The following BCAM variants were observed in gnomAD, a reference collection of about 807,000 sequenced individuals.
BCAM encodes basal cell adhesion molecule (Lutheran blood group).
A neutral mutation model predicts 72.4 loss-of-function variants in BCAM; 61 were observed. The ratio of observed to expected loss-of-function variants is 0.84; its 90% CI spans 0.69 to 1.04. BCAM has a LOEUF of 1.04. Among genes scored for constraint, BCAM ranks in the 50% least tolerant of loss-of-function variants. The pLI is 0.00. For synonymous variants in BCAM, 408 were observed against 384.2 expected, an observed-to-expected ratio of 1.06 and a Z score of -0.73; for missense variants, 909 against 895.0, an observed-to-expected ratio of 1.02 and a Z score of -0.20.
Position 44,812,050 on chromosome 19 carries a change from A to G in BCAM, c.205-113A>G. 1 of 1,042,308 alleles carries G rather than the reference A, an allele frequency of 9.6e-7. No individual in the cohort carries two copies. Among genetic ancestry groups the G allele is most frequent in the South Asian group, 1.4e-5 (1 of 69,172 alleles). 64.6% of individuals were successfully genotyped at this position (1,042,308 alleles called of 1,614,324 possible). On this transcript the variant is annotated intron_variant, in intron 2 of 14. Transcript: ENST00000270233. The surrounding 1 kb of genome is among the most constrained non-coding windows in gnomAD (Gnocchi z 5.3). ...AGGGACAGAGGGACCAGGGAGACCC[A>G]TAACAAGAGGAAAAGAGGCAGAGCC...
At position 44,814,218 on chromosome 19, in the gene BCAM, G is replaced by T; in HGVS notation, c.851G>T (p.Gly284Val). 6.3e-7 allele frequency: 1 copy of T among 1,587,672 alleles called. No individual in the cohort carries two copies. The highest frequency in any genetic ancestry group is 8.5e-7 in the Non-Finnish European group (1 of 1,173,114). Residue 284 changes from glycine to valine, a missense_variant, in exon 7 of 15, where the codon GGT (glycine) becomes GTT (valine). Transcript: ENST00000270233. This position sits in a 1 kb window ranked among gnomAD's most constrained non-coding sequence, Gnocchi z 4.6. ...PSTPAGWVRE[G>V]DTVQLLCRGD... ...ACCCCAGCAGGCTGGGTACGCGAGG[G>T]TGACACTGTCCAGCTGCTCTGCCGG...
In BCAM at chr19:44,813,701, C is replaced by T. The variant is rs1458982610; in HGVS notation, c.784+81C>T. 2 of 1,524,834 alleles carry T rather than the reference C, an allele frequency of 1.3e-6. No individual in the cohort carries two copies. The highest frequency in any genetic ancestry group is 1.8e-6 in the Non-Finnish European group (2 of 1,129,320). The allele number at this position is 1,524,834 out of a possible 1,614,324, so 94.5% of individuals were successfully genotyped here. On this transcript the variant is annotated intron_variant, in intron 6 of 14. Coordinates refer to ENST00000270233, the MANE Select transcript of BCAM (RefSeq NM_005581.5). The surrounding 1 kb of genome is among the most constrained non-coding windows in gnomAD (Gnocchi z 4.2). ...TGACCCTCCACCCGGGGGCTTCACA[C>T]TCCCCTCTGACCCTCTGCCTCCCTA...
At chr19:44,819,924 TCATCCTCATCCC>T in intron 13 of BCAM, 198 bp downstream of exon 13, 3 of 302,150 alleles carry the variant, frequency 9.9e-6, no homozygotes, top group Non-Finnish European at 1.3e-5. Flanking sequence ...CATCCCCAAC[TCATCCTCATCCC>T]CAACTGCAGC....
In BCAM at chr19:44,815,238, A is replaced by G. The variant is rs180887453; in HGVS notation, c.1078+478A>G. ...CACCCCCCAGGCTCCTCTGGTTCCT[A>G]CCTTCACTGCCCATCCTTCCTACCG... On this transcript the variant is annotated intron_variant, in intron 8 of 14. Transcript: ENST00000270233. Among the ~76,000 whole-genome samples, 498 of 152,064 alleles carry G rather than the reference A, an allele frequency of 3.3e-3. 1 individual carries two copies. Among genetic ancestry groups the G allele is most frequent in the Non-Finnish European group, 3.1e-3 (210 of 67,962 alleles).
Position 44,819,594 on chromosome 19 carries a change from C to A in BCAM, c.1631C>A (p.Thr544Asn). Residue 544 changes from threonine (T) to asparagine (N), a missense_variant, in exon 13 of 15, where the codon ACC becomes AAC. Transcript: ENST00000270233. ...CCTGTCCCTGCAGTGAGCCCCCAGA[C>A]CTCCCAGGCTGGAGTGGCCGTCATG... Reference protein sequence around the residue: ...VFHFGTVSPQTSQAGVAVMAV... With the variant: ...VFHFGTVSPQNSQAGVAVMAV... 1 of 1,613,164 alleles carries A rather than the reference C, an allele frequency of 6.2e-7. No homozygotes were observed. Among genetic ancestry groups the A allele is most frequent in the Non-Finnish European group, 8.5e-7 (1 of 1,179,504 alleles).
In BCAM at chr19:44,813,294, C is replaced by T; in HGVS notation, c.549C>T (p.Ile183=). Residue 183 remains isoleucine (I), a synonymous_variant, in exon 5 of 15, where the codon ATC becomes ATT. Coordinates refer to ENST00000270233, the MANE Select transcript of BCAM (RefSeq NM_005581.5). The surrounding 1 kb of genome is among the most constrained non-coding windows in gnomAD (Gnocchi z 4.2). ...NSRNGNPAPK[I]TWYRNGQRLE... ...GGAACGGGAACCCGGCCCCCAAGAT[C>T]ACGTGGTATCGCAACGGGCAGCGCC... 1 of 1,614,130 alleles carries T rather than the reference C, an allele frequency of 6.2e-7. No homozygotes were observed. Among genetic ancestry groups the T allele is most frequent in the Non-Finnish European group, 8.5e-7 (1 of 1,180,030 alleles).
At position 44,814,823 on chromosome 19, in the gene BCAM, C is replaced by G; in HGVS notation, c.1078+63C>G. 6.6e-7 allele frequency: 1 copy of G among 1,523,858 alleles called. No homozygotes were observed. Among genetic ancestry groups the G allele is most frequent in the East Asian group, 2.3e-5 (1 of 43,376 alleles). 94.4% of individuals were successfully genotyped at this position (1,523,858 alleles called of 1,614,324 possible). A position where few individuals can be genotyped will look rare whatever the true frequency, so the allele number is the denominator to read the frequency against. ...CTGGCATCAGTGCCTCTGCGCCCTCCTCCCTACAGCCCTGAAGTTGCTCTG... is the reference window on the plus strand; with the variant it reads ...CTGGCATCAGTGCCTCTGCGCCCTCGTCCCTACAGCCCTGAAGTTGCTCTG... On this transcript the variant is annotated intron_variant, in intron 8 of 14. Coordinates refer to ENST00000270233, the MANE Select transcript of BCAM (RefSeq NM_005581.5). This position sits in a 1 kb window ranked among gnomAD's most constrained non-coding sequence, Gnocchi z 4.6.
At position 44,814,871 on chromosome 19, in the gene BCAM, A is replaced by C; in HGVS notation, c.1078+111A>C. On this transcript the variant is annotated intron_variant, in intron 8 of 14. Transcript: ENST00000270233. This position sits in a 1 kb window ranked among gnomAD's most constrained non-coding sequence, Gnocchi z 4.6. ...CTGTCATCCCAAACACTCTGCCTTC[A>C]ACCCTTTCTCTGCATTTCTTGGGGG... 1 of 1,194,108 alleles carries C rather than the reference A, an allele frequency of 8.4e-7. No individual in the cohort carries two copies. The highest frequency in any genetic ancestry group is 1.1e-6 in the Non-Finnish European group (1 of 922,396). The allele number at this position is 1,194,108 out of a possible 1,614,324, so 74.0% of individuals were successfully genotyped here. A position where few individuals can be genotyped will look rare whatever the true frequency, so the allele number is the denominator to read the frequency against.
At chr19:44,820,034 G>A (rs1476409707) in intron 13 of BCAM, 3 of 1,243,890 alleles carry the variant, frequency 2.4e-6, no homozygotes, top group Admixed American at 7.9e-5. Flanking sequence ...CCTGCCCCTA[G>A]CTCAGCCTCA....
chr19:44,813,463 C>A lies in BCAM; in HGVS notation c.627C>A (p.Val209=), dbSNP rs780731531. ...AGGGCTACATGACCAGCCGCACGGTCCGGGAGGCCTCGGGCCTGCTCTCCC... is the reference window on the plus strand; with the variant it reads ...AGGGCTACATGACCAGCCGCACGGTACGGGAGGCCTCGGGCCTGCTCTCCC... ...NPEGYMTSRT[V]REASGLLSLT... Residue 209 remains valine, a synonymous_variant, in exon 6 of 15, where the codon GTC becomes GTA. Transcript: ENST00000270233. The surrounding 1 kb of genome is among the most constrained non-coding windows in gnomAD (Gnocchi z 4.2). 1 of 1,611,962 alleles carries A rather than the reference C, an allele frequency of 6.2e-7. No individual in the cohort carries two copies. The highest frequency in any genetic ancestry group is 2.2e-5 in the East Asian group (1 of 44,872).
Position 44,812,632 on chromosome 19 carries a change from G to A in BCAM, c.504+84G>A. 1.3e-6 allele frequency: 2 copies of A among 1,530,678 alleles called. No individual in the cohort carries two copies. The highest frequency in any genetic ancestry group is 1.8e-6 in the Non-Finnish European group (2 of 1,126,194). The allele number at this position is 1,530,678 out of a possible 1,614,324, so 94.8% of individuals were successfully genotyped here. ...GACTCCTGGGTCTGAGGGAGGAGGG[G>A]CTGGGGACCCCTGGGTAATAAAGGA... On this transcript the variant is annotated intron_variant, in intron 4 of 14. Transcript: ENST00000270233. This position sits in a 1 kb window ranked among gnomAD's most constrained non-coding sequence, Gnocchi z 5.3.
At chr19:44,820,239 C>A (rs999063145) in intron 13 of BCAM, 41 of 1,006,434 alleles carry the variant, frequency 4.1e-5, no homozygotes, top group Non-Finnish European at 4.6e-5. Flanking sequence ...ATCCTCCAAG[C>A]CTATCTCTCA....
chr19:44,818,266 T>C lies in BCAM; in HGVS notation c.1079-256T>C, dbSNP rs1247155141. 6.6e-6 allele frequency among the ~76,000 whole-genome samples: 1 copy of C among 152,216 alleles called. No individual in the cohort carries two copies. The highest frequency in any genetic ancestry group is 6.5e-5 in the Admixed American group (1 of 15,276). ...CCACACCTAAGGTTATTCATTAACC[T>C]TGGGCTCAGATGTCAGCTCTGAAGA... On this transcript the variant is annotated intron_variant, in intron 8 of 14. Transcript: ENST00000270233. This position sits in a 1 kb window ranked among gnomAD's most constrained non-coding sequence, Gnocchi z 4.6.
At chr19:44,817,689 C>T (rs1968520805) in intron 8 of BCAM, among the ~76,000 whole-genome samples, 1 of 152,090 alleles carries the variant, frequency 6.6e-6, no homozygotes, top group South Asian at 2.1e-4. Context: ...GGACTATAGG[C>T]ATGCACCACT....
At chr19:44,820,420 G>A in intron 13 of BCAM, 1 of 1,190,488 alleles carries the variant, frequency 8.4e-7, no homozygotes. Flanking sequence ...CAACCACATG[G>A]CCGTCCTCAC....
chr19:44,820,760 G>A lies in BCAM; in HGVS notation c.1819G>A (p.Gly607Ser), dbSNP rs574102519. ...HSGSEQPEQTGLLMGGASGGA... is the reference protein window; with the variant it reads ...HSGSEQPEQTSLLMGGASGGA... Reference sequence around the variant, plus strand: ...GGGGTCGGAGCAACCAGAGCAGACCGGCCTTCTCATGGGAGGTGCCTCCGG... The same window carrying A: ...GGGGTCGGAGCAACCAGAGCAGACCAGCCTTCTCATGGGAGGTGCCTCCGG... The change falls in exon 14 of 15, where the codon GGC (glycine) becomes AGC (serine). Residue 607 changes from glycine (G) to serine (S), a missense_variant. By Grantham distance (56) the Gly-to-Ser change is moderately conservative. Transcript: ENST00000270233. 8.7e-5 allele frequency: 130 copies of A among 1,500,706 alleles called. 1 individual carries two copies. The South Asian group carries it at 1.2e-3, about 14-fold the overall frequency. 93.0% of individuals were successfully genotyped at this position (1,500,706 alleles called of 1,614,324 possible).
rs768289631 is a variant in BCAM at position 44,814,574 on chromosome 19, G to C, written c.922-30G>C. On this transcript the variant is annotated intron_variant, in intron 7 of 14. Coordinates refer to ENST00000270233, the MANE Select transcript of BCAM (RefSeq NM_005581.5). This position sits in a 1 kb window ranked among gnomAD's most constrained non-coding sequence, Gnocchi z 4.6. The stretch of plus-strand genomic sequence containing the variant: ...AGCCCGCTGAACCGGGGTGGCTTCT[G>C]AGCCTGGTTCCTCGTCCCCCGTCTC... The C allele has an allele frequency of 1.4e-5, 22 of 1,603,948 alleles. No homozygotes were observed. In the South Asian group the frequency reaches 2.3e-4, roughly 17 times the overall value.
Position 44,821,005 on chromosome 19 carries a change from G to C in BCAM, c.*84G>C. 1 of 1,414,772 alleles carries C rather than the reference G, an allele frequency of 7.1e-7. No homozygotes were observed. The highest frequency in any genetic ancestry group is 9.3e-7 in the Non-Finnish European group (1 of 1,074,300). 87.6% of individuals were successfully genotyped at this position (1,414,772 alleles called of 1,614,324 possible). ...CCCTGCTCACGCCATGCCCGCCCCC[G>C]CCTTCCCTCTTCCCTCTTCCCTCTC... is the stretch of plus-strand genomic sequence containing the variant. On this transcript the variant is annotated 3_prime_UTR_variant, in exon 15 of 15. Transcript: ENST00000270233.
At position 44,819,049 on chromosome 19, in the gene BCAM, C is replaced by T; in HGVS notation, c.1337-7C>T. 1 of 1,613,682 alleles carries T rather than the reference C, an allele frequency of 6.2e-7. No individual in the cohort carries two copies. The highest frequency in any genetic ancestry group is 8.5e-7 in the Non-Finnish European group (1 of 1,179,728). On this transcript the variant is annotated splice_region_variant and splice_polypyrimidine_tract_variant and intron_variant, in intron 10 of 14. Coordinates refer to ENST00000270233, the MANE Select transcript of BCAM (RefSeq NM_005581.5). ...CTTCACTTTCTTCCCATCCCCACCA[C>T]CCACAGGCTCGCCAGAGCTAAAGAC...
Sources: gnomAD v4.1 joint callset for allele counts (sites outside exome capture counted in the v4.1 genomes callset) on GRCh38, gnomAD v4.1.1 for gene constraint, Gnocchi (gnomAD v3.1) non-coding constraint, MANE v1.5 for transcripts, NCBI Gene and HGNC (gene_info 2026-07-23, HGNC 2026-07-21) for gene names.